The following DGKB variants were observed in gnomAD, a reference collection of about 807,000 sequenced individuals.
DGKB encodes 90 kDa diacylglycerol kinase.
DGKB carries 67 observed loss-of-function variants against 114.3 expected under a neutral mutation model. That is an observed-to-expected ratio of 0.59 (90% confidence interval 0.48 to 0.72). The LOEUF (loss-of-function observed/expected upper bound fraction) is 0.72, where lower values mean the gene tolerates loss of function less well. DGKB is among the 30% of genes least tolerant of loss of function. The pLI is 0.00. For synonymous variants in DGKB, 398 were observed against 323.1 expected, an observed-to-expected ratio of 1.23 and a Z score of -2.49; for missense variants, 907 against 975.2, an observed-to-expected ratio of 0.93 and a Z score of 0.93.
rs572936502 is a variant in DGKB, at chr7:14,812,175, T to C, written c.70+29019A>G. On this transcript the variant is annotated intron_variant, in intron 2 of 25. Coordinates refer to ENST00000402815, the MANE Select transcript of DGKB (RefSeq NM_001350709.2). ...ACATGTATAAGCTACATTTTGTTTATCAAATCATGCTTCTATGGACACGTG... is the reference window on the plus strand; with the variant it reads ...ACATGTATAAGCTACATTTTGTTTACCAAATCATGCTTCTATGGACACGTG... Among the ~76,000 whole-genome samples the C allele has an allele frequency of 1.4e-4, 22 of 152,316 alleles. No homozygotes were observed. In the East Asian group the frequency reaches 2.7e-3, roughly 19 times the overall value.
At chr7:14,403,410 A>T (rs10950522) in intron 21 of DGKB, among the ~76,000 whole-genome samples, 122,692 of 151,792 alleles carry the variant, frequency 0.81, 51,148 homozygotes, top group Non-Finnish European at 0.93. Flanking sequence ...TTCCCTAGCA[A>T]ACCATAATTG....
At chr7:14,355,030 C>A (rs1023123551) in intron 21 of DGKB, among the ~76,000 whole-genome samples, 17 of 152,106 alleles carry the variant, frequency 1.1e-4, no homozygotes, top group Admixed American at 9.8e-4. Flanking sequence ...AAACAACTAG[C>A]TGGATTATAC....
chr7:14,588,195 A>G (rs183470441), intron 17 of DGKB, among the ~76,000 whole-genome samples: 78 of 151,946 alleles, frequency 5.1e-4, no homozygotes, highest in African/African-American at 1.9e-3. Context: ...TTTGGTTTCC[A>G]TTATCTATTC....
chr7:14,281,823 G>A (rs1409613149), intron 23 of DGKB, among the ~76,000 whole-genome samples: 2 of 148,378 alleles, frequency 1.3e-5, no homozygotes, highest in African/African-American at 2.5e-5. Context: ...CGAGAACAAA[G>A]ACACAACATA....
intron 23 of DGKB, among the ~76,000 whole-genome samples, chr7:14,214,771 A>G (rs536634737): frequency 6.6e-6 from 1 of 152,144 alleles, no homozygotes; most frequent in Non-Finnish European, 1.5e-5. Flanking sequence ...AAAAATACCA[A>G]ATGAAAACTA....
intron 20 of DGKB, among the ~76,000 whole-genome samples, chr7:14,567,329 T>A (rs868180912): frequency 8.4e-3 from 182 of 21,752 alleles, no homozygotes; most frequent in African/African-American, 0.031. Flanking sequence ...TTATATATAT[T>A]ATATATTTAT....
intron 23 of DGKB, among the ~76,000 whole-genome samples, chr7:14,286,779 A>C (rs951936159): frequency 6.6e-6 from 1 of 152,152 alleles, no homozygotes; most frequent in Non-Finnish European, 1.5e-5. Context: ...TAAATACATA[A>C]GCATATTATA....
chr7:14,795,720 G>A (rs1841312573), intron 2 of DGKB, among the ~76,000 whole-genome samples: 1 of 152,104 alleles, frequency 6.6e-6, no homozygotes, highest in Admixed American at 6.5e-5. Context: ...GGACAGTAGA[G>A]TTAAAGCAGC....
chr7:14,559,018 A>C (rs890961253), intron 20 of DGKB, among the ~76,000 whole-genome samples: 13 of 152,198 alleles, frequency 8.5e-5, no homozygotes, highest in African/African-American at 3.1e-4. Context: ...TTTTCTTAGA[A>C]GCCTCCAAAT....
chr7:14,242,788 A>G (rs570700121), intron 23 of DGKB, among the ~76,000 whole-genome samples: 1 of 152,162 alleles, frequency 6.6e-6, no homozygotes, highest in South Asian at 2.1e-4. Flanking sequence ...AACTGAAGAT[A>G]ATGTTAGTGC....
intron 23 of DGKB, among the ~76,000 whole-genome samples, chr7:14,312,792 C>T (rs1015302162): frequency 6.6e-6 from 1 of 152,068 alleles, no homozygotes; most frequent in African/African-American, 2.4e-5. Context: ...TGATGGAAAA[C>T]AACTGACAGT....
chr7:14,468,225 A>C (rs1377519557), intron 21 of DGKB, among the ~76,000 whole-genome samples: 2 of 152,146 alleles, frequency 1.3e-5, no homozygotes, highest in East Asian at 3.9e-4. Context: ...TCAAAGGGGA[A>C]GAAAATTCTA....
chr7:14,329,760 C>T (rs1480826377), intron 23 of DGKB, among the ~76,000 whole-genome samples: 1 of 151,912 alleles, frequency 6.6e-6, no homozygotes, highest in Non-Finnish European at 1.5e-5. Flanking sequence ...TATGGATAGC[C>T]TCATATCTGG....
At chr7:14,686,634 T>A (rs1401697265) in intron 9 of DGKB, among the ~76,000 whole-genome samples, 1 of 152,142 alleles carries the variant, frequency 6.6e-6, no homozygotes, top group Non-Finnish European at 1.5e-5. Context: ...ATAATAATGC[T>A]CCTAACTACC....
chr7:14,471,667 A>C (rs1781422533), intron 21 of DGKB, among the ~76,000 whole-genome samples: 1 of 151,948 alleles, frequency 6.6e-6, no homozygotes, highest in African/African-American at 2.4e-5. Flanking sequence ...AAAAGGTATT[A>C]ATACCTCAAA....
intron 23 of DGKB, among the ~76,000 whole-genome samples, chr7:14,308,948 G>A (rs540490585): frequency 2.6e-5 from 4 of 152,164 alleles, no homozygotes; most frequent in Non-Finnish European, 5.9e-5. Context: ...GTGCATGGTG[G>A]CTCACGCCTG....
chr7:14,153,966 C>T (rs1259919330), intron 25 of DGKB, among the ~76,000 whole-genome samples: 3 of 151,850 alleles, frequency 2.0e-5, no homozygotes, highest in African/African-American at 7.3e-5. Context: ...AGAGAATTTG[C>T]CTCTTATGTA....
At chr7:14,464,857 TCTTC>T (rs1833596190) in intron 21 of DGKB, among the ~76,000 whole-genome samples, 2 of 152,194 alleles carry the variant, frequency 1.3e-5, no homozygotes, top group South Asian at 2.1e-4. Flanking sequence ...CATTTTTCTT[TCTTC>T]CTGTGTACAC....
chr7:14,358,592 C>A (rs1280386898), intron 21 of DGKB, among the ~76,000 whole-genome samples: 1 of 152,122 alleles, frequency 6.6e-6, no homozygotes, highest in African/African-American at 2.4e-5. Flanking sequence ...AGCTGATAAG[C>A]AACTTCAGCA....
Sources: allele counts gnomAD v4.1 joint callset (sites outside exome capture counted in the v4.1 genomes callset), GRCh38; gene constraint gnomAD v4.1.1; transcripts MANE v1.5; gene names NCBI Gene and HGNC (gene_info 2026-07-23, HGNC 2026-07-21).